Variants in SYT8 observed in about 807,000 individuals in gnomAD.
SYT8 encodes synaptotagmin 8.
A neutral mutation model predicts 34.9 loss-of-function variants in SYT8; 50 were observed. The observed-to-expected ratio is 1.43, with a 90% confidence interval of 1.14 to 1.81. The LOEUF (loss-of-function observed/expected upper bound fraction) is 1.81, where lower values mean the gene tolerates loss of function less well. Among genes scored for constraint, SYT8 ranks in the 40% most tolerant of loss-of-function variants. SYT8 has a pLI of 0.00. For synonymous variants in SYT8, 255 were observed against 234.2 expected (o/e 1.09, Z -0.81); for missense variants, 595 against 529.0 (o/e 1.12, Z -1.22).
rs1284301949 is a variant in SYT8, at chr11:1,836,597, G to A, written c.684+5G>A. On this transcript the variant is annotated splice_donor_5th_base_variant and intron_variant, in intron 5 of 7. Transcript: ENST00000341958. ...GGCCCGCCGGCTGCCACTCAGGTGAGGTGCTGGTCACCAGGCCACAGCCCA... is the reference window on the plus strand; with the variant it reads ...GGCCCGCCGGCTGCCACTCAGGTGAAGTGCTGGTCACCAGGCCACAGCCCA... 1.4e-5 allele frequency: 23 copies of A among 1,609,900 alleles called. No individual in the cohort carries two copies. Among genetic ancestry groups the A allele is most frequent in the Non-Finnish European group, 2.0e-5 (23 of 1,178,760 alleles).
chr11:1,833,731 C>G (rs577601765), upstream of SYT8: 2 of 152,656 alleles, frequency 1.3e-5, no homozygotes, highest in African/African-American at 2.4e-5. Context: ...CTCATCTGAA[C>G]ACTGGGGGTT....
rs372740172 is a variant in SYT8, at chr11:1,835,321, C to G, written c.120C>G (p.Gly40=). The change falls in exon 2 of 8, where the codon GGC becomes GGG. Residue 40 remains glycine (G), a synonymous_variant. Coordinates refer to ENST00000341958, the MANE Select transcript of SYT8 (RefSeq NM_001394072.1). ...TPWPRWALIA[G]ALAAGVLLVS... is the part of the protein sequence containing the mutation. The stretch of plus-strand genomic sequence containing the variant: ...GGCCCCGCTGGGCTCTCATTGCCGG[C>G]GCCCTTGCCGCGGGCGTCCTCCTCG... 6.2e-7 allele frequency: 1 copy of G among 1,600,442 alleles called. No individual in the cohort carries two copies.
chr11:1,834,579 A>T, upstream of SYT8: 1 of 1,585,116 alleles, frequency 6.3e-7, no homozygotes, highest in South Asian at 1.1e-5. The surrounding 1 kb of genome is among the most constrained non-coding windows in gnomAD (Gnocchi z 4.5). Flanking sequence ...AACATGCTCC[A>T]CCTGCATGGC....
At position 1,835,054 on chromosome 11, in the gene SYT8, C is replaced by G. The variant is rs747558371; in HGVS notation, c.-52C>G. On this transcript the variant is annotated 5_prime_UTR_variant, in exon 1 of 8. Coordinates refer to ENST00000341958, the MANE Select transcript of SYT8 (RefSeq NM_001394072.1). ...GGCAGGGGCCGGAGGGGCCACCCTC[C>G]CAGCTGACCCAGCCTCCTGGGCCGC... 5 of 1,590,824 alleles carry G rather than the reference C, an allele frequency of 3.1e-6. No individual in the cohort carries two copies. The East Asian group carries it at 8.9e-5, about 28-fold the overall frequency.
rs765277399 is a variant in SYT8 at position 1,835,232 on chromosome 11, GA to G, written c.94+34del. ...GTGGGATTCCCAAGAGGGGTGTGGG[GA>G]TAACCCAGCCAAGTGGGGGCTGCAG... is the stretch of plus-strand genomic sequence containing the variant. On this transcript the variant is annotated intron_variant, in intron 1 of 7. Transcript: ENST00000341958. 2.0e-5 allele frequency: 32 copies of G among 1,609,888 alleles called. No individual in the cohort carries two copies. In the African/African-American group the frequency reaches 3.5e-4, roughly 17 times the overall value.
chr11:1,833,890 G>C (rs1846765974), upstream of SYT8: 1 of 154,622 alleles, frequency 6.5e-6, no homozygotes, highest in Non-Finnish European at 1.4e-5. Flanking sequence ...GTCCCTTTCT[G>C]TCTGTCTCCT....
upstream of SYT8, chr11:1,834,800 A>G: frequency 1.5e-6 from 1 of 689,178 alleles, no homozygotes; most frequent in Non-Finnish European, 2.5e-6. This position sits in a 1 kb window ranked among gnomAD's most constrained non-coding sequence, Gnocchi z 4.5. Context: ...AGGTCCGGTG[A>G]AGGCAGGGAC....
intron 5 of SYT8, 77 bp downstream of exon 5, chr11:1,836,669 G>A (rs1846954083): frequency 1.3e-6 from 2 of 1,592,944 alleles, no homozygotes; most frequent in East Asian, 4.5e-5. Flanking sequence ...CGGAAAGACA[G>A]GCCTGATGGG....
upstream of SYT8, chr11:1,834,709 C>G (rs970833086): frequency 7.3e-6 from 9 of 1,225,726 alleles, no homozygotes; most frequent in South Asian, 1.2e-4. The surrounding 1 kb of genome is among the most constrained non-coding windows in gnomAD (Gnocchi z 4.5). Context: ...GCCCAGGGTC[C>G]AGGGCCCAGG....
chr11:1,834,560 G>C (rs1459528799), upstream of SYT8: 1 of 1,574,346 alleles, frequency 6.4e-7, no homozygotes, highest in East Asian at 2.4e-5. This position sits in a 1 kb window ranked among gnomAD's most constrained non-coding sequence, Gnocchi z 4.5. Context: ...GTTCCTGGGG[G>C]CTGCAGTGAA....
rs144966881 is a variant in SYT8 at position 1,836,182 on chromosome 11, C to T, written c.414C>T (p.Pro138=). The T allele has an allele frequency of 1.9e-3, 3,031 of 1,569,252 alleles. 5 individuals carry two copies. The highest frequency in any genetic ancestry group is 2.5e-3 in the Non-Finnish European group (2,860 of 1,159,746). Residue 138 remains proline (P), a synonymous_variant, in exon 4 of 8, where the codon CCC becomes CCT. Transcript: ENST00000341958. ...TGAGGCCTGGGGGCACCGTGGACCC[C>T]TATGCCCGGGTCAGCGTCTCCACCC... The part of the protein sequence containing the change: ...ADLRPGGTVD[P]YARVSVSTQA...
intron 4 of SYT8, 45 bp downstream of exon 4, chr11:1,836,329 G>T (rs1472590715): frequency 6.7e-7 from 1 of 1,503,280 alleles, no homozygotes; most frequent in South Asian, 1.3e-5. Context: ...CGGCTGGATG[G>T]GCCTGGGCTG....
At chr11:1,836,660 G>C (rs774855314) in intron 5 of SYT8, 68 bp downstream of exon 5, 3 of 1,593,026 alleles carry the variant, frequency 1.9e-6, no homozygotes, top group Non-Finnish European at 2.6e-6. Context: ...ATGGGCCATC[G>C]GAAAGACAGG....
At chr11:1,831,946 C>T (rs1291863244), upstream of SYT8, 6 of 357,322 alleles carry the variant, frequency 1.7e-5, no homozygotes, top group East Asian at 3.0e-4. Flanking sequence ...CTCGGGGAAA[C>T]GTTGCTTTTC....
upstream of SYT8, chr11:1,834,819 C>T: frequency 1.5e-6 from 1 of 651,924 alleles, no homozygotes; most frequent in Non-Finnish European, 2.7e-6. This position sits in a 1 kb window ranked among gnomAD's most constrained non-coding sequence, Gnocchi z 4.5. Context: ...ACTAGGCTGC[C>T]CAGGCCCTGC....
rs766510819 is a variant in SYT8, at chr11:1,835,910, G to A, written c.283G>A (p.Glu95Lys). ...HLVQPDVDGL[E>K]SSPGDAQQWG... is the part of the protein sequence containing the mutation. ...GGTGCAACCTGATGTGGATGGCCTG[G>A]AGTCCAGCCCGGGGGATGCTCAGCA... The change falls in exon 3 of 8, where the codon GAG becomes AAG. Residue 95 changes from glutamate (E) to lysine (K), a missense_variant. Coordinates refer to ENST00000341958, the MANE Select transcript of SYT8 (RefSeq NM_001394072.1). 4.3e-6 allele frequency: 7 copies of A among 1,610,988 alleles called. No homozygotes were observed. Among genetic ancestry groups the A allele is most frequent in the Non-Finnish European group, 2.5e-6 (3 of 1,179,254 alleles).
chr11:1,834,216 G>A (rs530636401), upstream of SYT8: 3 of 400,272 alleles, frequency 7.5e-6, no homozygotes, highest in African/African-American at 2.1e-5. The surrounding 1 kb of genome is among the most constrained non-coding windows in gnomAD (Gnocchi z 4.5). Flanking sequence ...AGCCAGCCCA[G>A]CCAGGTGTGC....
In SYT8 at chr11:1,837,032, C is replaced by A. The variant is rs484955; in HGVS notation, c.866C>A (p.Thr289Lys). 1.9e-6 allele frequency: 3 copies of A among 1,613,662 alleles called. No homozygotes were observed. In the African/African-American group the frequency reaches 4.0e-5, roughly 22 times the overall value. ...KKRKTATKKG[T>K]AAPYFNEAFT... ...AGAAAGACAGCCACCAAAAAGGGCA[C>A]GGCGGCCCCCTACTTCAATGAGGCC... Residue 289 changes from threonine to lysine, a missense_variant, in exon 7 of 8, where the codon ACG becomes AAG. Physicochemically the swap from Thr to Lys is moderately conservative, Grantham distance 78. Coordinates refer to ENST00000341958, the MANE Select transcript of SYT8 (RefSeq NM_001394072.1).
chr11:1,836,896 G>A (rs375032242), intron 6 of SYT8, 35 bp downstream of exon 6: 1 of 1,611,854 alleles, frequency 6.2e-7, no homozygotes, highest in Non-Finnish European at 8.5e-7. Flanking sequence ...GTTGTACAGA[G>A]GGGGGGCCCG....
Sources: allele counts gnomAD v4.1 joint callset, GRCh38; gene constraint gnomAD v4.1.1; non-coding constraint Gnocchi (gnomAD v3.1); transcripts MANE v1.5; gene names NCBI Gene and HGNC (gene_info 2026-07-23, HGNC 2026-07-21).